The following ZCCHC7 variants were observed in gnomAD, a reference collection of about 807,000 sequenced individuals.
ZCCHC7 encodes the protein zinc finger CCHC-type containing 7.
Under a neutral mutation model 52.0 loss-of-function variants are expected in ZCCHC7, and 35 were observed. That is an observed-to-expected ratio of 0.67 (90% CI 0.51 to 0.89). The LOEUF is 0.89. Among genes scored for constraint, ZCCHC7 ranks in the 40% least tolerant of loss-of-function variants. ZCCHC7 has a pLI of 0.00. For missense variants in ZCCHC7, 574 were observed against 649.1 expected (o/e 0.88, Z 1.26); for synonymous variants, 217 against 221.5 (o/e 0.98, Z 0.18).
chr9:37,341,721 T>A lies in ZCCHC7; in HGVS notation c.988-7636T>A, dbSNP rs941453186. On this transcript the variant is annotated intron_variant, in intron 6 of 8. Transcript: ENST00000336755. ...TTTAAATAGGGTGCTCAGGAAGGCC[T>A]TACTGAGATGACATTTGAGCCAAGG... 2.0e-5 allele frequency among the ~76,000 whole-genome samples: 3 copies of A among 152,090 alleles called. No homozygotes were observed. In the South Asian group the frequency reaches 6.2e-4, roughly 32 times the overall value.
chr9:37,354,035 A>G lies in ZCCHC7; in HGVS notation c.1084-675A>G, dbSNP rs1214038804. Among the ~76,000 whole-genome samples, 1 of 152,182 alleles carries G rather than the reference A, an allele frequency of 6.6e-6. No homozygotes were observed. The highest frequency in any genetic ancestry group is 1.9e-4 in the East Asian group (1 of 5,198). On this transcript the variant is annotated intron_variant, in intron 7 of 8. Coordinates refer to ENST00000336755, the MANE Select transcript of ZCCHC7 (RefSeq NM_032226.3). This position sits in a 1 kb window ranked among gnomAD's most constrained non-coding sequence, Gnocchi z 4.0. ...TAGCTGGGTAGAGGCCAGAGTCATG[A>G]GAGTAGGAAGCTGTCCTGGGAAAAT... is the stretch of plus-strand genomic sequence containing the variant.
intron 6 of ZCCHC7, among the ~76,000 whole-genome samples, chr9:37,337,914 G>A (rs1216946957): frequency 6.6e-6 from 1 of 152,042 alleles, no homozygotes; most frequent in Non-Finnish European, 1.5e-5. Context: ...ATAGACGGAG[G>A]GATAGCTCTG....
rs1821776723 is a variant in ZCCHC7, at chr9:37,357,352, A to G, written c.*84A>G. ...CCTTCTGGCACTGTGTTTATTATCT[A>G]TGATTAAATAAAGTGAGTTTTTGGT... On this transcript the variant is annotated 3_prime_UTR_variant, in exon 9 of 9. Coordinates refer to ENST00000336755, the MANE Select transcript of ZCCHC7 (RefSeq NM_032226.3). 4.6e-6 allele frequency: 6 copies of G among 1,309,590 alleles called. No homozygotes were observed. Among genetic ancestry groups the G allele is most frequent in the South Asian group, 3.4e-5 (2 of 59,514 alleles). 81.1% of individuals were successfully genotyped at this position (1,309,590 alleles called of 1,614,324 possible). A position where few individuals can be genotyped will look rare whatever the true frequency, so the allele number is the denominator to read the frequency against.
chr9:37,207,127 A>AAATG (rs1158414820), intron 2 of ZCCHC7, among the ~76,000 whole-genome samples: 1 of 152,184 alleles, frequency 6.6e-6, no homozygotes, highest in Non-Finnish European at 1.5e-5. Context: ...CTCTGTCTCT[A>AAATG]AATGAATGAA....
chr9:37,243,468 A>C (rs1441038118), intron 2 of ZCCHC7, among the ~76,000 whole-genome samples: 1 of 151,692 alleles, frequency 6.6e-6, no homozygotes, highest in Non-Finnish European at 1.5e-5. Flanking sequence ...AAAAGACCTT[A>C]TTTTAGAGGA....
chr9:37,223,903 T>G (rs1417572997), intron 2 of ZCCHC7, among the ~76,000 whole-genome samples: 1 of 152,088 alleles, frequency 6.6e-6, no homozygotes, highest in Non-Finnish European at 1.5e-5. Context: ...CATGCACCCA[T>G]TTTTCATTTA....
chr9:37,190,816 C>T (rs917348119), intron 2 of ZCCHC7, among the ~76,000 whole-genome samples: 5 of 151,846 alleles, frequency 3.3e-5, no homozygotes, highest in South Asian at 2.1e-4. Flanking sequence ...GTCAGGAGTT[C>T]GAGACCAGCC....
chr9:37,302,139 A>G (rs777332210), intron 2 of ZCCHC7, 49 bp from the exon 3 acceptor site: 45 of 1,452,982 alleles, frequency 3.1e-5, no homozygotes, highest in Non-Finnish European at 4.3e-5. Context: ...GTCAATCTAT[A>G]AGTCCTTTAA....
chr9:37,168,271 T>C (rs1821537583), intron 2 of ZCCHC7, among the ~76,000 whole-genome samples: 1 of 152,216 alleles, frequency 6.6e-6, no homozygotes, highest in African/African-American at 2.4e-5. Context: ...GTTTTGTCTA[T>C]TTTTTGTTTA....
intron 6 of ZCCHC7, among the ~76,000 whole-genome samples, chr9:37,347,590 A>G (rs1318995500): frequency 1.3e-5 from 2 of 152,176 alleles, no homozygotes; most frequent in African/African-American, 2.4e-5. Context: ...AGCTATGCCA[A>G]TATCCTGTGT....
chr9:37,221,586 G>T (rs903147265), intron 2 of ZCCHC7, among the ~76,000 whole-genome samples: 1 of 152,054 alleles, frequency 6.6e-6, no homozygotes, highest in African/African-American at 2.4e-5. Flanking sequence ...TTGATTTGAG[G>T]CATTGGTTGG....
intron 6 of ZCCHC7, among the ~76,000 whole-genome samples, chr9:37,340,719 A>C (rs1219280994): frequency 3.3e-5 from 5 of 152,188 alleles, no homozygotes; most frequent in Non-Finnish European, 7.4e-5. Context: ...TTTTTGTTAG[A>C]TCATAGTATG....
At chr9:37,206,037 G>A (rs1823890953) in intron 2 of ZCCHC7, among the ~76,000 whole-genome samples, 2 of 151,946 alleles carry the variant, frequency 1.3e-5, no homozygotes, top group South Asian at 2.1e-4. Context: ...TCTAAAATCT[G>A]CTTTTTCTAA....
At chr9:37,223,390 A>C (rs1311503252) in intron 2 of ZCCHC7, among the ~76,000 whole-genome samples, 1 of 152,198 alleles carries the variant, frequency 6.6e-6, no homozygotes, top group Non-Finnish European at 1.5e-5. Context: ...TAAGCCTGAC[A>C]TAAAGGGACA....
intron 5 of ZCCHC7, among the ~76,000 whole-genome samples, chr9:37,308,402 T>C (rs1829432509): frequency 6.6e-6 from 1 of 152,118 alleles, no homozygotes. Flanking sequence ...TATTTGCCTG[T>C]GATAAAGAAG....
chr9:37,266,840 C>T (rs1373266313), intron 2 of ZCCHC7, among the ~76,000 whole-genome samples: 2 of 152,204 alleles, frequency 1.3e-5, no homozygotes, highest in Admixed American at 6.5e-5. Context: ...CATCACTGCA[C>T]TCCAGCCTGG....
chr9:37,127,252 T>G (rs1842581668), intron 2 of ZCCHC7, among the ~76,000 whole-genome samples: 1 of 152,134 alleles, frequency 6.6e-6, no homozygotes, highest in Admixed American at 6.5e-5. Context: ...CTCTCTCTGC[T>G]TGGTACCACA....
At chr9:37,168,542 A>G (rs1821553236) in intron 2 of ZCCHC7, among the ~76,000 whole-genome samples, 1 of 152,194 alleles carries the variant, frequency 6.6e-6, no homozygotes, top group Admixed American at 6.5e-5. Context: ...TACATTTACG[A>G]TCTCATATTT....
intron 2 of ZCCHC7, among the ~76,000 whole-genome samples, chr9:37,199,654 G>A (rs1237454339): frequency 7.8e-6 from 1 of 127,796 alleles, no homozygotes; most frequent in Non-Finnish European, 1.7e-5. Flanking sequence ...TTTTCTGTCT[G>A]TCTGTCTGTC....
Sources: gnomAD v4.1 joint callset for allele counts (sites outside exome capture counted in the v4.1 genomes callset) on GRCh38, gnomAD v4.1.1 for gene constraint, Gnocchi (gnomAD v3.1) non-coding constraint, MANE v1.5 for transcripts, NCBI Gene and HGNC (gene_info 2026-07-23, HGNC 2026-07-21) for gene names.